Variants in TANC1 observed in about 807,000 individuals in gnomAD.
The protein encoded by TANC1 is tetratricopeptide repeat, ankyrin repeat and coiled-coil containing 1, also known as protein TANC1.
Under a neutral mutation model 149.7 loss-of-function variants are expected in TANC1, and 77 were observed. The ratio of observed to expected loss-of-function variants is 0.51; its 90% CI spans 0.43 to 0.62. The LOEUF (loss-of-function observed/expected upper bound fraction) is 0.62. TANC1 is among the 20% of genes least tolerant of loss of function. TANC1 has a pLI of 0.00. For synonymous variants in TANC1, 854 were observed against 925.0 expected (o/e 0.92, Z 1.39); for missense variants, 1,985 against 2,321.8 (o/e 0.85, Z 2.98).
chr2:159,019,642 GCTTT>G (rs1415136083), intron 2 of TANC1, among the ~76,000 whole-genome samples: 1 of 114,004 alleles, frequency 8.8e-6, no homozygotes, highest in East Asian at 2.1e-4. Context: ...ACTGCAGCTT[GCTTT>G]CTTTCTGTTT....
intron 1 of TANC1, among the ~76,000 whole-genome samples, chr2:158,974,094 A>G (rs1281134232): frequency 6.6e-6 from 1 of 152,188 alleles, no homozygotes; most frequent in African/African-American, 2.4e-5. Flanking sequence ...CTGTTGTCCT[A>G]CATACGTAGA....
chr2:159,195,784 C>G (rs1051701048), intron 17 of TANC1, among the ~76,000 whole-genome samples: 1 of 152,176 alleles, frequency 6.6e-6, no homozygotes, highest in African/African-American at 2.4e-5. Context: ...GCAGGCCTCC[C>G]CCCATCACAG....
chr2:159,102,712 CTTTTTTTTT>C (rs755803794), intron 4 of TANC1, among the ~76,000 whole-genome samples: 1 of 27,120 alleles, frequency 3.7e-5, no homozygotes, highest in Non-Finnish European at 8.1e-5. Context: ...TGGATATTTG[CTTTTTTTTT>C]TTTTTTTTTT....
chr2:159,164,746 G>A (rs950658152), intron 8 of TANC1, among the ~76,000 whole-genome samples: 5 of 152,188 alleles, frequency 3.3e-5, no homozygotes, highest in Non-Finnish European at 5.9e-5. Context: ...TCTGGTGGTT[G>A]TTGGGTGTTC....
At chr2:159,030,606 C>T (rs1049423407) in intron 2 of TANC1, among the ~76,000 whole-genome samples, 8 of 152,138 alleles carry the variant, frequency 5.3e-5, no homozygotes, top group Non-Finnish European at 1.0e-4. Context: ...CCTCAGTTTT[C>T]GCCTTAGAAC....
chr2:159,063,973 G>C (rs1461521839), intron 2 of TANC1, among the ~76,000 whole-genome samples: 3 of 152,136 alleles, frequency 2.0e-5, no homozygotes, highest in Non-Finnish European at 4.4e-5. Flanking sequence ...ACACGGCTCT[G>C]GAAGAGTTCA....
intron 2 of TANC1, among the ~76,000 whole-genome samples, chr2:159,016,203 T>C (rs796520343): frequency 6.6e-6 from 1 of 152,204 alleles, no homozygotes; most frequent in African/African-American, 2.4e-5. Context: ...TCCCATCTTA[T>C]ATGGATTGCA....
Position 159,229,719 on chromosome 2 carries a change from G to A in TANC1, c.4293G>A (p.Pro1431=), listed in dbSNP as rs573389936. 26 of 1,613,888 alleles carry A rather than the reference G, an allele frequency of 1.6e-5. No homozygotes were observed. The highest frequency in any genetic ancestry group is 3.3e-5 in the South Asian group (3 of 91,056). The change falls in exon 27 of 27, where the codon CCG becomes CCA. Residue 1431 remains proline, a synonymous_variant. Transcript: ENST00000263635. ...QRSQQQKQQG[P]LPAPLNDSEN... ...GTCAACAGCAAAAACAGCAGGGCCC[G>A]CTACCAGCTCCACTCAACGACTCCG...
intron 7 of TANC1, among the ~76,000 whole-genome samples, chr2:159,162,216 A>G (rs1279227242): frequency 1.3e-5 from 2 of 152,226 alleles, no homozygotes; most frequent in African/African-American, 4.8e-5. Flanking sequence ...CTTCTGATAC[A>G]GTGTGTATCA....
In TANC1 at chr2:159,103,228, A is replaced by G. The variant is rs2046906045; in HGVS notation, c.259+5394A>G. On this transcript the variant is annotated intron_variant, in intron 4 of 26. Transcript: ENST00000263635. ...ATACTTTTGTCCAGTGATATTTACA[A>G]ACATCTCTGATATCTCCTTGGGGTA... Among the ~76,000 whole-genome samples the G allele has an allele frequency of 2.1e-5, 2 of 95,784 alleles. 1 individual carries two copies. Among genetic ancestry groups the G allele is most frequent in the South Asian group, 7.2e-4 (2 of 2,764 alleles). The allele number at this position is 95,784 out of a possible 152,430, so 62.8% of individuals were successfully genotyped here.
At chr2:159,063,905 A>G (rs541425218) in intron 2 of TANC1, among the ~76,000 whole-genome samples, 2 of 152,182 alleles carry the variant, frequency 1.3e-5, no homozygotes, top group East Asian at 3.9e-4. Flanking sequence ...TGGGTGATTA[A>G]TCGGGAGCAG....
At chr2:159,175,399 AC>A (rs2055740426) in intron 12 of TANC1, among the ~76,000 whole-genome samples, 1 of 152,126 alleles carries the variant, frequency 6.6e-6, no homozygotes, top group South Asian at 2.1e-4. Context: ...TAAAAGAAGC[AC>A]CCTGATAAGA....
At chr2:159,034,250 A>C (rs561021841) in intron 2 of TANC1, among the ~76,000 whole-genome samples, 6 of 152,070 alleles carry the variant, frequency 3.9e-5, no homozygotes, top group Non-Finnish European at 7.4e-5. Context: ...CACCCACTCC[A>C]GCGATCATCA....
In TANC1 at chr2:159,218,760, A is replaced by T. The variant is rs148851441; in HGVS notation, c.3379-478A>T. Among the ~76,000 whole-genome samples the T allele has an allele frequency of 1.9e-4, 29 of 152,336 alleles. No homozygotes were observed. In the East Asian group the frequency reaches 5.4e-3, roughly 28 times the overall value. On this transcript the variant is annotated intron_variant, in intron 20 of 26. Transcript: ENST00000263635. ...TCCCCGAAGGGCATGCCATCCGCCA[A>T]TGCTGCATCTTAGGAAAGCCCATGG...
intron 1 of TANC1, among the ~76,000 whole-genome samples, chr2:158,991,976 C>T (rs1379452640): frequency 6.6e-6 from 1 of 152,190 alleles, no homozygotes; most frequent in Admixed American, 6.5e-5. Context: ...ATTAATCACT[C>T]TTCCATCTGT....
At chr2:158,990,641 ATGG>A (rs2035520710) in intron 1 of TANC1, among the ~76,000 whole-genome samples, 1 of 152,172 alleles carries the variant, frequency 6.6e-6, no homozygotes, top group Admixed American at 6.5e-5. Flanking sequence ...TGAGCAATGG[ATGG>A]AGTATTTAGG....
At chr2:159,150,643 T>C (rs2052688545) in intron 7 of TANC1, 87 bp downstream of exon 7, 2 of 1,094,394 alleles carry the variant, frequency 1.8e-6, no homozygotes, top group South Asian at 2.9e-5. Flanking sequence ...GGTTTTAGCA[T>C]GGTCTGTGAA....
At position 159,041,473 on chromosome 2, in the gene TANC1, A is replaced by G. The variant is rs140201836; in HGVS notation, c.-15-24423A>G. Among the ~76,000 whole-genome samples, 4 of 151,966 alleles carry G rather than the reference A, an allele frequency of 2.6e-5. No individual in the cohort carries two copies. In the East Asian group the frequency reaches 7.8e-4, roughly 29 times the overall value. On this transcript the variant is annotated intron_variant, in intron 2 of 26. Transcript: ENST00000263635. ...AGCTTCCCGGCTGCTTTGTTTACCT[A>G]CTCAAGCCTCAGCAATGGTGGATGC...
At chr2:159,090,713 C>T (rs986386425) in intron 3 of TANC1, among the ~76,000 whole-genome samples, 8 of 152,216 alleles carry the variant, frequency 5.3e-5, no homozygotes, top group South Asian at 2.1e-4. Flanking sequence ...ACAGCTAGCT[C>T]GTGACTTCAC....
Sources: gnomAD v4.1 joint callset for allele counts (sites outside exome capture counted in the v4.1 genomes callset) on GRCh38, gnomAD v4.1.1 for gene constraint, MANE v1.5 for transcripts, NCBI Gene and HGNC (gene_info 2026-07-23, HGNC 2026-07-21) for gene names.